Variants in CHST3 observed in about 807,000 individuals in gnomAD.
CHST3 encodes carbohydrate sulfotransferase 3, also known as C6ST-1.
CHST3 carries 20 observed loss-of-function variants against 35.4 expected under a neutral mutation model. The ratio of observed to expected loss-of-function variants is 0.57; its 90% CI spans 0.40 to 0.82. The LOEUF (loss-of-function observed/expected upper bound fraction) is 0.82, where lower values mean the gene tolerates loss of function less well. Ranked by LOEUF, CHST3 falls within the 40% of genes least tolerant of loss-of-function variation. The pLI is 0.00. For missense variants in CHST3, 693 were observed against 670.1 expected, an observed-to-expected ratio of 1.03 and a Z score of -0.38; for synonymous variants, 334 against 295.9, an observed-to-expected ratio of 1.13 and a Z score of -1.32.
At position 72,008,183 on chromosome 10, in the gene CHST3, G is replaced by T; in HGVS notation, c.1152G>T (p.Glu384Asp). Residue 384 changes from glutamate to aspartate, a missense_variant, in exon 3 of 3, where the codon GAG becomes GAT. Coordinates refer to ENST00000373115, the MANE Select transcript of CHST3 (RefSeq NM_004273.5). ...VARGPLQKAREMYRFAGIPLT... is the reference protein window; with the variant it reads ...VARGPLQKARDMYRFAGIPLT... ...GCGGGCCGCTGCAGAAGGCCCGCGAGATGTACCGCTTCGCCGGCATCCCCC... is the reference window on the plus strand; with the variant it reads ...GCGGGCCGCTGCAGAAGGCCCGCGATATGTACCGCTTCGCCGGCATCCCCC... The T allele has an allele frequency of 1.3e-6, 2 of 1,549,620 alleles. No individual in the cohort carries two copies. The highest frequency in any genetic ancestry group is 1.7e-6 in the Non-Finnish European group (2 of 1,146,790).
Position 72,008,221 on chromosome 10 carries a change from T to C in CHST3, c.1190T>C (p.Val397Ala), listed in dbSNP as rs995382252. 1.3e-6 allele frequency: 2 copies of C among 1,557,212 alleles called. No homozygotes were observed. The highest frequency in any genetic ancestry group is 1.7e-6 in the Non-Finnish European group (2 of 1,150,908). ...RFAGIPLTPQ[V>A]EDWIQKNTQA... Reference sequence around the variant, plus strand: ...GCCGGCATCCCCCTGACCCCGCAGGTGGAAGACTGGATCCAAAAGAACACG... The same window carrying C: ...GCCGGCATCCCCCTGACCCCGCAGGCGGAAGACTGGATCCAAAAGAACACG... The change falls in exon 3 of 3, where the codon GTG (valine) becomes GCG (alanine). Residue 397 changes from valine (V) to alanine (A), a missense_variant. By Grantham distance (64) the Val-to-Ala change is moderately conservative. Coordinates refer to ENST00000373115, the MANE Select transcript of CHST3 (RefSeq NM_004273.5).
At chr10:71,967,060 C>T (rs2131734244) in intron 1 of CHST3, among the ~76,000 whole-genome samples, 1 of 152,266 alleles carries the variant, frequency 6.6e-6, no homozygotes, top group Non-Finnish European at 1.5e-5. Flanking sequence ...AGTGCAGTGG[C>T]ACGATCACTG....
Position 72,007,590 on chromosome 10 carries a change from G to A in CHST3, c.559G>A (p.Val187Met), listed in dbSNP as rs1219728874. The A allele has an allele frequency of 1.2e-6, 2 of 1,609,414 alleles. No individual in the cohort carries two copies. The highest frequency in any genetic ancestry group is 1.1e-5 in the South Asian group (1 of 90,972). ...CGCCAACGCCGCGGGCTCGGCCCTG[G>A]TGTACCGCGACGTGCTCAAGCAGCT... ...GGANAAGSAL[V>M]YRDVLKQLFL... Residue 187 changes from valine (V) to methionine (M), a missense_variant, in exon 3 of 3, where the codon GTG (valine) becomes ATG (methionine). Val to Met is a conservative substitution (Grantham distance 21). Coordinates refer to ENST00000373115, the MANE Select transcript of CHST3 (RefSeq NM_004273.5).
chr10:71,967,410 G>C (rs1411681067), intron 1 of CHST3, among the ~76,000 whole-genome samples: 1 of 152,164 alleles, frequency 6.6e-6, no homozygotes, highest in Non-Finnish European at 1.5e-5. Context: ...CCACTTCTAA[G>C]TGAGAGCATG....
chr10:71,970,215 T>C (rs1473134930), intron 1 of CHST3, among the ~76,000 whole-genome samples: 1 of 151,936 alleles, frequency 6.6e-6, no homozygotes, highest in Non-Finnish European at 1.5e-5. Context: ...CAGTGACTTC[T>C]TGTCTCCAGC....
intron 1 of CHST3, among the ~76,000 whole-genome samples, chr10:71,981,908 A>G (rs1032981609): frequency 6.6e-6 from 1 of 152,196 alleles, no homozygotes; most frequent in Admixed American, 6.5e-5. Context: ...CTTGGCACTG[A>G]TATTTTTTAA....
chr10:72,004,988 GGGTGTGGT>G (rs1166091110), intron 1 of CHST3, among the ~76,000 whole-genome samples: 10 of 152,156 alleles, frequency 6.6e-5, no homozygotes, highest in Non-Finnish European at 1.2e-4. Flanking sequence ...AAAATTAGCT[GGGTGTGGT>G]GGTGTGCACT....
chr10:71,976,008 G>A (rs1265714266), intron 1 of CHST3, among the ~76,000 whole-genome samples: 2 of 152,262 alleles, frequency 1.3e-5, no homozygotes, highest in African/African-American at 4.8e-5. Context: ...CAGATGGCCA[G>A]TTTCTTCCTG....
At chr10:72,002,089 C>T (rs1389156317) in intron 1 of CHST3, among the ~76,000 whole-genome samples, 1 of 152,194 alleles carries the variant, frequency 6.6e-6, no homozygotes, top group Non-Finnish European at 1.5e-5. Flanking sequence ...AGCTCCAAAC[C>T]TCTCTCACCT....
chr10:71,993,745 C>T (rs990840219), intron 1 of CHST3, among the ~76,000 whole-genome samples: 2 of 152,084 alleles, frequency 1.3e-5, no homozygotes, highest in African/African-American at 4.8e-5. Flanking sequence ...TTGTTTGAGG[C>T]CAGGAGTTCA....
chr10:71,971,016 T>C (rs940974669), intron 1 of CHST3, among the ~76,000 whole-genome samples: 2 of 152,162 alleles, frequency 1.3e-5, no homozygotes, highest in Non-Finnish European at 2.9e-5. Flanking sequence ...AGTGACTAAG[T>C]CTGTGGGATA....
chr10:72,007,255 C>T lies in CHST3; in HGVS notation c.224C>T (p.Ala75Val), dbSNP rs761589335. The part of the protein sequence containing the change: ...TDPALILAEN[A>V]SLLSLSELDS... ...CCAGCCCTGATCTTAGCTGAGAACG[C>T]ATCTCTCTTGTCCCTGAGCGAGCTC... The change falls in exon 3 of 3, where the codon GCA becomes GTA. Residue 75 changes from alanine to valine, a missense_variant. Transcript: ENST00000373115. 2 of 1,614,238 alleles carry T rather than the reference C, an allele frequency of 1.2e-6. No homozygotes were observed. Among genetic ancestry groups the T allele is most frequent in the African/African-American group, 1.3e-5 (1 of 75,070 alleles).
chr10:71,984,512 G>T (rs1839829015), intron 1 of CHST3, among the ~76,000 whole-genome samples: 1 of 152,182 alleles, frequency 6.6e-6, no homozygotes. Flanking sequence ...TGAAAGATCA[G>T]TTCCTGACTA....
chr10:71,970,829 C>G (rs951221355), intron 1 of CHST3, among the ~76,000 whole-genome samples: 1 of 152,160 alleles, frequency 6.6e-6, no homozygotes. Context: ...CTAATTTTCC[C>G]GTTATGTCTC....
Position 72,008,408 on chromosome 10 carries a change from C to A in CHST3, c.1377C>A (p.Ala459=). The part of the protein sequence containing the change: ...RLFGYKLARD[A]AALTNRSVSL... ...TCGGCTACAAACTGGCGCGGGACGC[C>A]GCCGCCCTCACCAACCGCTCAGTCA... Residue 459 remains alanine (A), a synonymous_variant, in exon 3 of 3, where the codon GCC becomes GCA. Transcript: ENST00000373115. 6.4e-7 allele frequency: 1 copy of A among 1,571,546 alleles called. No individual in the cohort carries two copies. The highest frequency in any genetic ancestry group is 1.2e-5 in the South Asian group (1 of 85,488).
rs1463349823 is a variant in CHST3, at chr10:72,007,636, T to C, written c.605T>C (p.Val202Ala). ...CAGCTCTTCCTGTGCGACCTGTACG[T>C]GCTGGAGCACTTCATCACGCCGCTG... is the stretch of plus-strand genomic sequence containing the variant. ...LKQLFLCDLY[V>A]LEHFITPLPE... The change falls in exon 3 of 3, where the codon GTG becomes GCG. Residue 202 changes from valine (V) to alanine (A), a missense_variant. Coordinates refer to ENST00000373115, the MANE Select transcript of CHST3 (RefSeq NM_004273.5). 4 of 1,610,072 alleles carry C rather than the reference T, an allele frequency of 2.5e-6. No individual in the cohort carries two copies. The African/African-American group carries it at 5.3e-5, about 21-fold the overall frequency.
At chr10:71,966,023 C>A (rs1407011815) in intron 1 of CHST3, among the ~76,000 whole-genome samples, 1 of 152,088 alleles carries the variant, frequency 6.6e-6, no homozygotes, top group Non-Finnish European at 1.5e-5. Flanking sequence ...TTGGCAGATT[C>A]TGTGGGGTCT....
intron 1 of CHST3, among the ~76,000 whole-genome samples, chr10:71,977,304 C>T (rs1354518894): frequency 2.0e-5 from 3 of 152,220 alleles, no homozygotes; most frequent in African/African-American, 7.2e-5. Context: ...CCTGGCCTCC[C>T]AGCTGCCCCT....
chr10:71,998,542 G>A (rs1310561149), intron 1 of CHST3, among the ~76,000 whole-genome samples: 1 of 152,240 alleles, frequency 6.6e-6, no homozygotes, highest in African/African-American at 2.4e-5. Flanking sequence ...GGAAGGGATC[G>A]TATCCAATGG....
Sources: gnomAD v4.1 joint callset for allele counts (sites outside exome capture counted in the v4.1 genomes callset) on GRCh38, gnomAD v4.1.1 for gene constraint, MANE v1.5 for transcripts, NCBI Gene and HGNC (gene_info 2026-07-23, HGNC 2026-07-21) for gene names.